Variants in BAIAP3 observed in about 807,000 individuals in gnomAD.
The protein encoded by BAIAP3 is BAI1 associated protein 3.
BAIAP3 carries 180 observed loss-of-function variants against 149.7 expected under a neutral mutation model. The observed-to-expected ratio is 1.20, with a 90% CI of 1.07 to 1.36. The LOEUF is 1.36. Ranked by LOEUF, BAIAP3 falls within the 40% of genes most tolerant of loss-of-function variation. The probability of loss-of-function intolerance (pLI) is 0.00; values close to 1 mark genes in which losing one functional copy is unlikely to be tolerated. For missense variants in BAIAP3, 1,767 were observed against 1,563.4 expected, an observed-to-expected ratio of 1.13 and a Z score of -2.20; for synonymous variants, 845 against 670.7, an observed-to-expected ratio of 1.26 and a Z score of -4.02.
rs372747753 is a variant in BAIAP3, at chr16:1,343,928, C to G, written c.1387-94C>G. 77 of 1,559,316 alleles carry G rather than the reference C, an allele frequency of 4.9e-5. 1 individual carries two copies. In the East Asian group the frequency reaches 5.6e-4, roughly 11 times the overall value. On this transcript the variant is annotated intron_variant, in intron 15 of 33. Coordinates refer to ENST00000426824, the MANE Select transcript of BAIAP3 (RefSeq NM_001199097.2). ...AGAGCAGAGCTGGGCTGACCATGCC[C>G]GGGGAAGGGTGTTGCGGGCCAAGGC...
intron 14 of BAIAP3, 135 bp downstream of exon 14, chr16:1,343,151 GC>G: frequency 8.9e-7 from 1 of 1,124,116 alleles, no homozygotes; most frequent in Non-Finnish European, 1.3e-6. Context: ...AGTAGGTGGG[GC>G]TGCGCTGATT....
rs754195371 is a variant in BAIAP3, at chr16:1,348,302, G to A, written c.3355+1G>A. ...CACCTGTGCCGGCCCAGAGCCCAGG[G>A]TGAGTGAGCATCTGGGTGGAGGCAG... On this transcript the variant is annotated splice_donor_variant, in intron 33 of 33. Transcript: ENST00000426824. LOFTEE classifies it high-confidence loss of function. 1 of 1,601,930 alleles carries A rather than the reference G, an allele frequency of 6.2e-7. No homozygotes were observed. The highest frequency in any genetic ancestry group is 1.7e-5 in the Admixed American group (1 of 58,702).
intron 28 of BAIAP3, 159 bp from the exon 29 acceptor site, chr16:1,347,139 T>G (rs2034431885): frequency 5.5e-6 from 5 of 912,674 alleles, no homozygotes; most frequent in Non-Finnish European, 8.2e-6. Flanking sequence ...TTCCCCACGC[T>G]TCCTGGGAGC....
intron 1 of BAIAP3, chr16:1,336,422 G>C (rs949607754): frequency 3.1e-6 from 3 of 981,544 alleles, no homozygotes; most frequent in Non-Finnish European, 3.6e-6. Context: ...CGCAAGCATT[G>C]CCTCTCACAG....
In BAIAP3 at chr16:1,337,195, A is replaced by G. The variant is rs534831889; in HGVS notation, c.-10-1345A>G. On this transcript the variant is annotated intron_variant, in intron 1 of 33. Coordinates refer to ENST00000426824, the MANE Select transcript of BAIAP3 (RefSeq NM_001199097.2). ...CCTACCCCTGTTGAAGGGGGTGTGCAGGGCAGGACCACCCGGCCTTCCTCC... is the reference window on the plus strand; with the variant it reads ...CCTACCCCTGTTGAAGGGGGTGTGCGGGGCAGGACCACCCGGCCTTCCTCC... Among the ~76,000 whole-genome samples the G allele has an allele frequency of 2.6e-5, 4 of 152,270 alleles. No individual in the cohort carries two copies. In the South Asian group the frequency reaches 8.3e-4, roughly 32 times the overall value.
In BAIAP3 at chr16:1,344,309, G is replaced by A; in HGVS notation, c.1594G>A (p.Ala532Thr). Reference sequence around the variant, plus strand: ...GGAGCTGAACATGGACATTGCTGCGGCCCTGAAGGTGTGTTCCAAAGCCCA... The same window carrying A: ...GGAGCTGAACATGGACATTGCTGCGACCCTGAAGGTGTGTTCCAAAGCCCA... ...ESELNMDIAA[A>T]LKRGNREWYD... Residue 532 changes from alanine (A) to threonine (T), a missense_variant, in exon 17 of 34, where the codon GCC becomes ACC. Transcript: ENST00000426824. 2 of 1,613,822 alleles carry A rather than the reference G, an allele frequency of 1.2e-6. No homozygotes were observed. The highest frequency in any genetic ancestry group is 1.7e-6 in the Non-Finnish European group (2 of 1,179,986).
intron 5 of BAIAP3, 122 bp downstream of exon 5, chr16:1,339,725 A>G: frequency 1.2e-6 from 1 of 813,112 alleles, no homozygotes; most frequent in Non-Finnish European, 2.0e-6. Flanking sequence ...TGCACAGCAC[A>G]CAGAGACGGC....
rs1271624961 is a variant in BAIAP3 at position 1,347,905 on chromosome 16, C to T, written c.3037C>T (p.Pro1013Ser). 1 of 1,611,912 alleles carries T rather than the reference C, an allele frequency of 6.2e-7. No homozygotes were observed. Among genetic ancestry groups the T allele is most frequent in the East Asian group, 2.2e-5 (1 of 44,876 alleles). Residue 1013 changes from proline (P) to serine (S), a missense_variant, in exon 32 of 34, where the codon CCC (proline) becomes TCC (serine). Pro to Ser is a moderately conservative substitution (Grantham distance 74). Transcript: ENST00000426824. ...CTGTGCTCCTGCAGGCTTAAGTGAC[C>T]CCTTTGTGATCGTGGAGCTGGGCCC... is the stretch of plus-strand genomic sequence containing the variant. Reference protein sequence around the residue: ...LPLDANGLSDPFVIVELGPPH... With the variant: ...LPLDANGLSDSFVIVELGPPH...
rs753824328 is a variant in BAIAP3, at chr16:1,344,827, C to A, written c.1787C>A (p.Thr596Asn). The stretch of plus-strand genomic sequence containing the variant: ...CTCAATGTGGACGTCTTCACCCTGA[C>A]CTTCCGGCAGCTGGAGCGTCTGGTG... ...SILNVDVFTL[T>N]FRQLERLVAE... is the part of the protein sequence containing the mutation. Residue 596 changes from threonine (T) to asparagine (N), a missense_variant, in exon 20 of 34, where the codon ACC becomes AAC. Transcript: ENST00000426824. The A allele has an allele frequency of 1.2e-6, 2 of 1,613,724 alleles. No homozygotes were observed. The highest frequency in any genetic ancestry group is 2.2e-5 in the East Asian group (1 of 44,890).
At position 1,338,582 on chromosome 16, in the gene BAIAP3, G is replaced by A; in HGVS notation, c.33G>A (p.Val11=). The change falls in exon 2 of 34, where the codon GTG becomes GTA. Residue 11 remains valine (V), a synonymous_variant. Coordinates refer to ENST00000426824, the MANE Select transcript of BAIAP3 (RefSeq NM_001199097.2). ...CCTTGCTGGACATTAAGAGCAGCGT[G>A]CTCAGGCAGGTGCAGGTGTGCCCGT... is the stretch of plus-strand genomic sequence containing the variant. MSTLLDIKSS[V]LRQVQVCPSF... is the part of the protein sequence containing the mutation. The A allele has an allele frequency of 1.2e-6, 2 of 1,609,988 alleles. No individual in the cohort carries two copies. Among genetic ancestry groups the A allele is most frequent in the Non-Finnish European group, 8.5e-7 (1 of 1,178,748 alleles).
intron 14 of BAIAP3, 124 bp from the exon 15 acceptor site, chr16:1,343,269 G>A (rs2141594615): frequency 3.6e-6 from 5 of 1,406,344 alleles, no homozygotes; most frequent in South Asian, 2.8e-5. Flanking sequence ...AAGGGGCAGT[G>A]CTATGAGTAG....
At chr16:1,335,404 C>T (rs905893757) in intron 1 of BAIAP3, among the ~76,000 whole-genome samples, 1 of 152,304 alleles carries the variant, frequency 6.6e-6, no homozygotes. Flanking sequence ...CCTCATGCTA[C>T]TGTCCCAGGG....
At chr16:1,338,283 C>G (rs1487962417) in intron 1 of BAIAP3, among the ~76,000 whole-genome samples, 1 of 152,174 alleles carries the variant, frequency 6.6e-6, no homozygotes. Flanking sequence ...GGCACCAGCC[C>G]CGCCTTTGAC....
At chr16:1,346,784 T>C in intron 27 of BAIAP3, 63 bp from the exon 28 acceptor site, 2 of 1,519,920 alleles carry the variant, frequency 1.3e-6, no homozygotes, top group Non-Finnish European at 1.8e-6. Context: ...CTCCAGGCCA[T>C]TCTGCAGGTG....
At chr16:1,334,630 G>C in intron 1 of BAIAP3, 2 of 1,540,408 alleles carry the variant, frequency 1.3e-6, no homozygotes, top group Non-Finnish European at 8.8e-7. Flanking sequence ...GGCAGCGCTT[G>C]TTAGAATGCA....
In BAIAP3 at chr16:1,347,559, G is replaced by C; in HGVS notation, c.2838G>C (p.Glu946Asp). 6 of 1,610,044 alleles carry C rather than the reference G, an allele frequency of 3.7e-6. No individual in the cohort carries two copies. The highest frequency in any genetic ancestry group is 1.7e-4 in the Middle Eastern group (1 of 5,716). Residue 946 changes from glutamate (E) to aspartate (D), a missense_variant, in exon 30 of 34, where the codon GAG becomes GAC. Physicochemically the swap from Glu to Asp is conservative, Grantham distance 45 (BLOSUM62 2). Coordinates refer to ENST00000426824, the MANE Select transcript of BAIAP3 (RefSeq NM_001199097.2). ...TCCCCCTGCAGAGGCTGAAGGAGGAGCTGCGGCTGCACAAATGTTCCACCC... is the reference window on the plus strand; with the variant it reads ...TCCCCCTGCAGAGGCTGAAGGAGGACCTGCGGCTGCACAAATGTTCCACCC... ...RDGSYKRLKE[E>D]LRLHKCSTRE... is the part of the protein sequence containing the mutation.
chr16:1,338,818 T>C lies in BAIAP3; in HGVS notation c.132-84T>C, dbSNP rs560040369. On this transcript the variant is annotated intron_variant, in intron 2 of 33. Coordinates refer to ENST00000426824, the MANE Select transcript of BAIAP3 (RefSeq NM_001199097.2). Reference sequence around the variant, plus strand: ...GCTGTGCCACACTGTGGATGTCACATGGCCCTTCCTGCCCCTGGAGTCGAG... The same window carrying C: ...GCTGTGCCACACTGTGGATGTCACACGGCCCTTCCTGCCCCTGGAGTCGAG... 19 of 1,591,934 alleles carry C rather than the reference T, an allele frequency of 1.2e-5. 1 individual carries two copies. In the South Asian group the frequency reaches 2.1e-4, roughly 18 times the overall value.
At position 1,342,741 on chromosome 16, in the gene BAIAP3, G is replaced by C; in HGVS notation, c.1088G>C (p.Arg363Pro). The change falls in exon 13 of 34, where the codon CGC becomes CCC. Residue 363 changes from arginine to proline, a missense_variant. Arg to Pro is a moderately radical substitution (Grantham distance 103). Transcript: ENST00000426824. ...TTQRDTAMSQ[R>P]GRSGFLSHLL... is the part of the protein sequence containing the mutation. ...CAGAGGGATACGGCCATGAGCCAGC[G>C]CGGGCGATCCGGCTTCCTGTCCCAC... is the stretch of plus-strand genomic sequence containing the variant. The C allele has an allele frequency of 6.2e-7, 1 of 1,612,504 alleles. No individual in the cohort carries two copies. The highest frequency in any genetic ancestry group is 1.1e-5 in the South Asian group (1 of 91,062).
Position 1,348,388 on chromosome 16 carries a change from C to T in BAIAP3, c.3365C>T (p.Ala1122Val), listed in dbSNP as rs147489315. 21 of 1,612,288 alleles carry T rather than the reference C, an allele frequency of 1.3e-5. No homozygotes were observed. In the African/African-American group the frequency reaches 1.5e-4, roughly 11 times the overall value. The change falls in exon 34 of 34, where the codon GCG (alanine) becomes GTG (valine). Residue 1122 changes from alanine to valine, a missense_variant. Ala to Val is a moderately conservative substitution (Grantham distance 64). Transcript: ENST00000426824. ...LCRPRAQVRS[A>V]LRRLEGRTSK... ...CCCGCGCTGCTTGCAGTGAGATCTG[C>T]GCTGAGGAGGCTGGAAGGCCGCACC...
Sources: gnomAD v4.1 joint callset for allele counts (sites outside exome capture counted in the v4.1 genomes callset) on GRCh38, gnomAD v4.1.1 for gene constraint, MANE v1.5 for transcripts, NCBI Gene and HGNC (gene_info 2026-07-23, HGNC 2026-07-21) for gene names.